Variants in CACNA2D1 observed in about 807,000 individuals in gnomAD.
CACNA2D1 encodes the protein voltage-dependent calcium channel subunit alpha-2/delta-1.
A neutral mutation model predicts 171.5 loss-of-function variants in CACNA2D1; 53 were observed. That is an observed-to-expected ratio of 0.31 (90% CI 0.25 to 0.39). The LOEUF is 0.39. Ranked by LOEUF, CACNA2D1 falls within the 10% of genes least tolerant of loss-of-function variation. The pLI, the probability that CACNA2D1 is intolerant of heterozygous loss-of-function variation, is 1.00. For synonymous variants in CACNA2D1, 442 were observed against 443.1 expected (o/e 1.00, Z 0.03); for missense variants, 903 against 1,299.8 (o/e 0.69, Z 4.69).
At position 82,342,880 on chromosome 7, in the gene CACNA2D1, T is replaced by A. The variant is rs188566575; in HGVS notation, c.177+6688A>T. On this transcript the variant is annotated intron_variant, in intron 2 of 38. Transcript: ENST00000356860. ...AGGATCCTTCATATAAAAGGATGGT[T>A]TATATCTTATTCTCTAGTCTACCCA... Among the ~76,000 whole-genome samples the A allele has an allele frequency of 5.3e-5, 8 of 152,250 alleles. No individual in the cohort carries two copies. The East Asian group carries it at 1.5e-3, about 29-fold the overall frequency.
intron 1 of CACNA2D1, among the ~76,000 whole-genome samples, chr7:82,419,410 T>C (rs1158072041): frequency 2.6e-5 from 4 of 152,132 alleles, no homozygotes; most frequent in African/African-American, 9.7e-5. Context: ...ACTATGCACA[T>C]GGGCAGGATA....
intron 12 of CACNA2D1, among the ~76,000 whole-genome samples, chr7:82,031,393 A>C (rs888973955): frequency 6.6e-6 from 1 of 151,974 alleles, no homozygotes; most frequent in African/African-American, 2.4e-5. Flanking sequence ...GATTTCTTTG[A>C]AAGAAATATT....
At chr7:82,206,019 C>T (rs1799971514) in intron 3 of CACNA2D1, among the ~76,000 whole-genome samples, 1 of 151,786 alleles carries the variant, frequency 6.6e-6, no homozygotes, top group Admixed American at 6.6e-5. Context: ...TGGAGGTTTC[C>T]CATTAATCTC....
intron 9 of CACNA2D1, among the ~76,000 whole-genome samples, chr7:82,063,549 A>G (rs1807218243): frequency 6.6e-6 from 1 of 151,600 alleles, no homozygotes. Flanking sequence ...TCTTCCAATG[A>G]GACAAAGATT....
At chr7:82,000,393 T>C (rs968539232) in intron 18 of CACNA2D1, among the ~76,000 whole-genome samples, 5 of 152,140 alleles carry the variant, frequency 3.3e-5, no homozygotes, top group African/African-American at 9.7e-5. Flanking sequence ...CCTAGGTGAA[T>C]ATACTGTGTA....
chr7:82,158,811 C>T (rs1794635124), intron 4 of CACNA2D1, among the ~76,000 whole-genome samples: 2 of 151,858 alleles, frequency 1.3e-5, no homozygotes, highest in African/African-American at 4.8e-5. Context: ...GTTACTTCTA[C>T]ACATGATAGT....
At chr7:82,065,003 A>T (rs1177509869) in intron 8 of CACNA2D1, among the ~76,000 whole-genome samples, 1 of 152,150 alleles carries the variant, frequency 6.6e-6, no homozygotes, top group African/African-American at 2.4e-5. Context: ...GTGGTTGTGG[A>T]GAGAGATCAT....
Position 81,950,381 on chromosome 7 carries a change from T to G in CACNA2D1, c.*11A>C. The G allele has an allele frequency of 1.9e-6, 3 of 1,613,078 alleles. No individual in the cohort carries two copies. The highest frequency in any genetic ancestry group is 2.5e-6 in the Non-Finnish European group (3 of 1,179,392). On this transcript the variant is annotated 3_prime_UTR_variant, in exon 39 of 39. Transcript: ENST00000356860. Reference sequence around the variant, plus strand: ...CTGGAGTTTAACTATGCAGATTTGGTTTTTAGAAGGTCATAACAGGCGGTG... The same window carrying G: ...CTGGAGTTTAACTATGCAGATTTGGGTTTTAGAAGGTCATAACAGGCGGTG...
intron 3 of CACNA2D1, among the ~76,000 whole-genome samples, chr7:82,190,428 C>A (rs1798175462): frequency 6.6e-6 from 1 of 151,752 alleles, no homozygotes; most frequent in South Asian, 2.1e-4. Flanking sequence ...TGCTATCAAT[C>A]AAAGATGCAG....
chr7:81,986,414 C>A (rs557277313), intron 21 of CACNA2D1, among the ~76,000 whole-genome samples: 1 of 151,742 alleles, frequency 6.6e-6, no homozygotes, highest in Non-Finnish European at 1.5e-5. Context: ...ATTTGTAGAT[C>A]TTCTGAATCA....
At chr7:82,033,819 T>C (rs940642030) in intron 11 of CACNA2D1, among the ~76,000 whole-genome samples, 2 of 152,092 alleles carry the variant, frequency 1.3e-5, no homozygotes, top group African/African-American at 4.8e-5. Context: ...AAAATTATTA[T>C]CTTAACTTTT....
intron 3 of CACNA2D1, among the ~76,000 whole-genome samples, chr7:82,186,251 G>A (rs372548770): frequency 1.3e-3 from 140 of 111,450 alleles, no homozygotes; most frequent in Middle Eastern, 9.2e-3. Flanking sequence ...AGGAAGGAAG[G>A]AAGAAAGGAA....
intron 36 of CACNA2D1, among the ~76,000 whole-genome samples, chr7:81,961,503 T>C (rs1246610666): frequency 6.6e-6 from 1 of 151,516 alleles, no homozygotes; most frequent in Non-Finnish European, 1.5e-5. Context: ...AATATTTGGC[T>C]TAGAATTATT....
chr7:82,138,430 TG>T (rs139534062), intron 4 of CACNA2D1, among the ~76,000 whole-genome samples: 35,059 of 124,118 alleles, frequency 0.28, 5,440 homozygotes, highest in East Asian at 0.4. Context: ...GCATTAGTTT[TG>T]TTTTTTTTGT....
At chr7:82,342,172 C>A (rs567139189) in intron 2 of CACNA2D1, among the ~76,000 whole-genome samples, 26 of 150,594 alleles carry the variant, frequency 1.7e-4, no homozygotes, top group African/African-American at 5.9e-4. Context: ...GGGACACTAC[C>A]TTTGAAATTT....
intron 38 of CACNA2D1, among the ~76,000 whole-genome samples, chr7:81,959,052 A>G (rs1019229082): frequency 3.9e-5 from 6 of 152,070 alleles, no homozygotes; most frequent in African/African-American, 1.4e-4. Flanking sequence ...TTGAAAGCAC[A>G]ATTTCTGTGG....
At chr7:82,414,309 AAG>A (rs568691559) in intron 1 of CACNA2D1, among the ~76,000 whole-genome samples, 13 of 152,238 alleles carry the variant, frequency 8.5e-5, no homozygotes, top group Non-Finnish European at 1.8e-4. Context: ...GGTGCTAGAG[AAG>A]AGAGTGAATT....
intron 36 of CACNA2D1, among the ~76,000 whole-genome samples, chr7:81,961,051 T>C (rs554448241): frequency 6.6e-6 from 1 of 152,060 alleles, no homozygotes; most frequent in East Asian, 1.9e-4. Context: ...TTTTTAACTA[T>C]TCTGGCACTT....
chr7:82,049,906 T>C (rs560979434), intron 10 of CACNA2D1, among the ~76,000 whole-genome samples: 1 of 152,340 alleles, frequency 6.6e-6, no homozygotes, highest in South Asian at 2.1e-4. Flanking sequence ...ATGGCAAATA[T>C]CTTTTATTTT....
Sources: gnomAD v4.1 joint callset for allele counts (sites outside exome capture counted in the v4.1 genomes callset) on GRCh38, gnomAD v4.1.1 for gene constraint, MANE v1.5 for transcripts, NCBI Gene and HGNC (gene_info 2026-07-23, HGNC 2026-07-21) for gene names.